The following CCSER1 variants were observed in gnomAD, a reference collection of about 807,000 sequenced individuals.
CCSER1 encodes the protein coiled-coil serine rich protein 1, also known as serine-rich coiled-coil domain-containing protein 1.
A neutral mutation model predicts 82.0 loss-of-function variants in CCSER1; 41 were observed. That is an observed-to-expected ratio of 0.50 (90% CI 0.39 to 0.65). The LOEUF is 0.65. Ranked by LOEUF, CCSER1 falls within the 30% of genes least tolerant of loss-of-function variation. The pLI, the probability that CCSER1 is intolerant of heterozygous loss-of-function variation, is 0.00. For synonymous variants in CCSER1, 414 were observed against 383.9 expected (o/e 1.08, Z -0.92); for missense variants, 1,119 against 1,064.2 (o/e 1.05, Z -0.72).
intron 3 of CCSER1, among the ~76,000 whole-genome samples, chr4:90,362,394 A>G (rs879478331): frequency 2.6e-5 from 4 of 152,204 alleles, no homozygotes; most frequent in East Asian, 1.9e-4. Context: ...TTAAGAAAAC[A>G]TTTAGTGTTT....
At chr4:91,114,420 C>T (rs1440437988) in intron 10 of CCSER1, among the ~76,000 whole-genome samples, 1 of 152,042 alleles carries the variant, frequency 6.6e-6, no homozygotes, top group Non-Finnish European at 1.5e-5. Context: ...TGCTAAAGGC[C>T]CACTATGTTC....
chr4:90,527,569 G>A (rs533915387), intron 5 of CCSER1, among the ~76,000 whole-genome samples: 56 of 152,198 alleles, frequency 3.7e-4, no homozygotes, highest in Admixed American at 1.2e-3. Flanking sequence ...TTGGGACAAT[G>A]TTTTACCAGC....
chr4:91,131,711 CAG>C (rs1728015526), intron 10 of CCSER1, among the ~76,000 whole-genome samples: 1 of 151,944 alleles, frequency 6.6e-6, no homozygotes, highest in South Asian at 2.1e-4. Context: ...TGCAGAGAAA[CAG>C]ATAAAGCAAA....
At chr4:90,855,052 C>T (rs551238229) in intron 8 of CCSER1, among the ~76,000 whole-genome samples, 25 of 152,012 alleles carry the variant, frequency 1.6e-4, no homozygotes, top group Non-Finnish European at 2.8e-4. Flanking sequence ...AACCAGATCT[C>T]GTGAGAACTC....
At chr4:90,564,000 C>T (rs1027405283) in intron 5 of CCSER1, among the ~76,000 whole-genome samples, 3 of 152,132 alleles carry the variant, frequency 2.0e-5, no homozygotes, top group African/African-American at 7.2e-5. Flanking sequence ...AGGGATATCT[C>T]ATTGTGGTTT....
At chr4:90,165,272 A>G (rs1462429781) in intron 1 of CCSER1, among the ~76,000 whole-genome samples, 1 of 152,110 alleles carries the variant, frequency 6.6e-6, no homozygotes, top group Non-Finnish European at 1.5e-5. Flanking sequence ...AATATTACTA[A>G]AACTGTTCTA....
At chr4:91,580,818 C>G (rs1249578185) in intron 10 of CCSER1, among the ~76,000 whole-genome samples, 1 of 151,618 alleles carries the variant, frequency 6.6e-6, no homozygotes, top group Admixed American at 6.6e-5. Context: ...ATTACAGATG[C>G]TTCATTTTTA....
chr4:90,476,050 G>A (rs778286100), intron 5 of CCSER1, among the ~76,000 whole-genome samples: 1 of 151,728 alleles, frequency 6.6e-6, no homozygotes, highest in Non-Finnish European at 1.5e-5. Flanking sequence ...GTGTGTATGT[G>A]TGTGTGTGTG....
intron 6 of CCSER1, among the ~76,000 whole-genome samples, chr4:90,632,785 A>G (rs924378494): frequency 1.3e-5 from 2 of 152,082 alleles, no homozygotes; most frequent in African/African-American, 4.8e-5. Flanking sequence ...GCTCCTGAAT[A>G]CTTTTCAGAT....
At chr4:91,059,631 A>C (rs548117957) in intron 9 of CCSER1, among the ~76,000 whole-genome samples, 1 of 151,710 alleles carries the variant, frequency 6.6e-6, no homozygotes, top group Non-Finnish European at 1.5e-5. Context: ...ACACACAAAC[A>C]CACACACACA....
intron 4 of CCSER1, among the ~76,000 whole-genome samples, chr4:90,401,446 T>C (rs1314816038): frequency 2.0e-5 from 3 of 152,226 alleles, no homozygotes; most frequent in Non-Finnish European, 4.4e-5. Context: ...ACTTGTTGAA[T>C]ATACAATGGT....
At chr4:90,663,030 A>G (rs1731105977) in intron 6 of CCSER1, among the ~76,000 whole-genome samples, 1 of 152,206 alleles carries the variant, frequency 6.6e-6, no homozygotes. Flanking sequence ...TTTGTTCTCT[A>G]TAATGAGAGA....
At chr4:90,374,796 A>G (rs1042070599) in intron 3 of CCSER1, among the ~76,000 whole-genome samples, 3 of 152,132 alleles carry the variant, frequency 2.0e-5, no homozygotes, top group African/African-American at 7.2e-5. Flanking sequence ...GGACCTTGCA[A>G]CTAATCATTG....
chr4:91,218,259 C>G (rs1737445548), intron 10 of CCSER1, among the ~76,000 whole-genome samples: 1 of 152,146 alleles, frequency 6.6e-6, no homozygotes, highest in Admixed American at 6.5e-5. Flanking sequence ...GCTGGCTGCT[C>G]CGAGAGCGGG....
At chr4:90,197,498 T>C (rs1208156610) in intron 1 of CCSER1, among the ~76,000 whole-genome samples, 1 of 152,104 alleles carries the variant, frequency 6.6e-6, no homozygotes, top group East Asian at 1.9e-4. Flanking sequence ...GTTGCAGCAC[T>C]CTTAACAACA....
At position 91,226,736 on chromosome 4, in the gene CCSER1, G is replaced by A. The variant is rs532387817; in HGVS notation, c.2217+140742G>A. ...TCTCTTTCTCTTTTTCTTAGGGTGG[G>A]GTTGTTGGATAAACTTGTACATTTC... On this transcript the variant is annotated intron_variant, in intron 10 of 10. Transcript: ENST00000509176. 2.0e-3 allele frequency among the ~76,000 whole-genome samples: 310 copies of A among 151,846 alleles called. 1 individual carries two copies. Among genetic ancestry groups the A allele is most frequent in the South Asian group, 0.013 (65 of 4,824 alleles).
At chr4:91,085,015 G>A (rs1217124236) in intron 9 of CCSER1, among the ~76,000 whole-genome samples, 1 of 151,626 alleles carries the variant, frequency 6.6e-6, no homozygotes, top group South Asian at 2.1e-4. Flanking sequence ...CTACTTAATG[G>A]AATAACAACA....
intron 1 of CCSER1, among the ~76,000 whole-genome samples, chr4:90,193,194 A>C (rs1455572200): frequency 6.6e-6 from 1 of 152,134 alleles, no homozygotes; most frequent in Non-Finnish European, 1.5e-5. Flanking sequence ...TGATTCTAAG[A>C]GTCATGTATA....
intron 1 of CCSER1, among the ~76,000 whole-genome samples, chr4:90,305,029 G>A (rs188012801): frequency 7.3e-5 from 11 of 151,664 alleles, no homozygotes; most frequent in Non-Finnish European, 7.4e-5. Flanking sequence ...CCATTCTCCC[G>A]CCTCAGCCTC....
Sources: allele counts gnomAD v4.1 joint callset (sites outside exome capture counted in the v4.1 genomes callset), GRCh38; gene constraint gnomAD v4.1.1; transcripts MANE v1.5; gene names NCBI Gene and HGNC (gene_info 2026-07-23, HGNC 2026-07-21).